Variants in EPHA7 observed in about 807,000 individuals in gnomAD.
EPHA7 encodes the protein ephrin type-A receptor 7.
Under a neutral mutation model 112.6 loss-of-function variants are expected in EPHA7, and 25 were observed. The observed-to-expected ratio is 0.22, with a 90% CI of 0.16 to 0.31. The LOEUF is 0.31. EPHA7 is among the 10% of genes least tolerant of loss of function. The pLI, the probability that EPHA7 is intolerant of heterozygous loss-of-function variation, is 1.00. For synonymous variants in EPHA7, 437 were observed against 406.5 expected, an observed-to-expected ratio of 1.07 and a Z score of -0.90; for missense variants, 962 against 1,212.6, an observed-to-expected ratio of 0.79 and a Z score of 3.07.
At chr6:93,373,310 C>G (rs1448543480) in intron 3 of EPHA7, among the ~76,000 whole-genome samples, 1 of 151,764 alleles carries the variant, frequency 6.6e-6, no homozygotes, top group Non-Finnish European at 1.5e-5. Context: ...AATTCTTGAC[C>G]TTTTCTTAAA....
At chr6:93,350,285 C>T (rs1048775074) in intron 5 of EPHA7, among the ~76,000 whole-genome samples, 9 of 151,944 alleles carry the variant, frequency 5.9e-5, no homozygotes, top group African/African-American at 1.7e-4. Context: ...TATCACTGAC[C>T]ATTAAACCAA....
intron 6 of EPHA7, among the ~76,000 whole-genome samples, chr6:93,272,071 A>C (rs1372054900): frequency 6.6e-6 from 1 of 151,934 alleles, no homozygotes; most frequent in African/African-American, 2.4e-5. Flanking sequence ...ATATGCTACA[A>C]ATGGGATACT....
intron 13 of EPHA7, among the ~76,000 whole-genome samples, 181 bp downstream of exon 13, chr6:93,255,647 T>C (rs369890139): frequency 9.2e-5 from 14 of 152,102 alleles, no homozygotes; most frequent in South Asian, 4.1e-4. Flanking sequence ...AGTCTATATA[T>C]ATATTGTACA....
Position 93,419,420 on chromosome 6 carries a change from T to G in EPHA7, c.-79A>C. 1 of 1,187,590 alleles carries G rather than the reference T, an allele frequency of 8.4e-7. No homozygotes were observed. The highest frequency in any genetic ancestry group is 1.2e-6 in the Non-Finnish European group (1 of 812,020). The allele number at this position is 1,187,590 out of a possible 1,614,324, so 73.6% of individuals were successfully genotyped here. The stretch of plus-strand genomic sequence containing the variant: ...TAAATGCTGTTTGTTCCGAAGTAGC[T>G]TTTGTTTTATTGTGCTCCTTGCATC... On this transcript the variant is annotated 5_prime_UTR_variant, in exon 1 of 17. Coordinates refer to ENST00000369303, the MANE Select transcript of EPHA7 (RefSeq NM_004440.4).
chr6:93,285,088 C>T (rs1199125443), intron 5 of EPHA7, among the ~76,000 whole-genome samples: 1 of 152,136 alleles, frequency 6.6e-6, no homozygotes, highest in African/African-American at 2.4e-5. Flanking sequence ...TTAAGAAATT[C>T]ATATTGCTTA....
At chr6:93,391,669 C>T (rs1777912529) in intron 3 of EPHA7, among the ~76,000 whole-genome samples, 1 of 151,142 alleles carries the variant, frequency 6.6e-6, no homozygotes, top group South Asian at 2.1e-4. Context: ...TATGAACTCT[C>T]TCTATTATAT....
chr6:93,303,833 C>T (rs1026047942), intron 5 of EPHA7, among the ~76,000 whole-genome samples: 1 of 152,064 alleles, frequency 6.6e-6, no homozygotes, highest in Non-Finnish European at 1.5e-5. Context: ...AGGAACTCCA[C>T]CTATCGTCTA....
At chr6:93,280,699 A>T (rs907114058) in intron 5 of EPHA7, among the ~76,000 whole-genome samples, 2 of 152,166 alleles carry the variant, frequency 1.3e-5, no homozygotes, top group Non-Finnish European at 2.9e-5. Flanking sequence ...CAGTTTTCTC[A>T]GCTTTAAAAT....
intron 3 of EPHA7, among the ~76,000 whole-genome samples, chr6:93,376,595 C>T (rs1451319989): frequency 4.6e-5 from 7 of 152,128 alleles, no homozygotes; most frequent in Admixed American, 2.0e-4. Context: ...TCTGGAAAAT[C>T]GTGTCCTTCC....
intron 3 of EPHA7, among the ~76,000 whole-genome samples, chr6:93,363,914 A>C (rs1425241959): frequency 6.6e-6 from 1 of 152,208 alleles, no homozygotes; most frequent in East Asian, 1.9e-4. Context: ...TGAATCTTTA[A>C]AACATGCTAC....
intron 3 of EPHA7, among the ~76,000 whole-genome samples, chr6:93,368,791 A>T (rs1001029466): frequency 6.6e-6 from 1 of 152,196 alleles, no homozygotes; most frequent in Non-Finnish European, 1.5e-5. Context: ...CAAAATTGTC[A>T]GTTAAAGCAA....
intron 5 of EPHA7, among the ~76,000 whole-genome samples, chr6:93,298,355 T>G (rs1411173812): frequency 6.6e-6 from 1 of 152,050 alleles, no homozygotes; most frequent in Admixed American, 6.6e-5. Context: ...GAAATAAATA[T>G]TTTCCTAACT....
intron 7 of EPHA7, 33 bp downstream of exon 7, chr6:93,269,444 G>A (rs764001986): frequency 2.5e-6 from 4 of 1,587,300 alleles, no homozygotes; most frequent in Non-Finnish European, 3.4e-6. Flanking sequence ...TAGAGTTATT[G>A]AGAGTAGGAA....
In EPHA7 at chr6:93,356,702, A is replaced by G; in HGVS notation, c.1324+15T>C. On this transcript the variant is annotated intron_variant, in intron 5 of 16. Coordinates refer to ENST00000369303, the MANE Select transcript of EPHA7 (RefSeq NM_004440.4). ...TCACATTATTTCATTCAGTGAAGAT[A>G]AACACAAAACATACCTGCTTGACCA... The G allele has an allele frequency of 1.9e-6, 3 of 1,589,648 alleles. No homozygotes were observed. In the South Asian group the frequency reaches 3.5e-5, roughly 18 times the overall value.
At chr6:93,370,991 A>C (rs1207206761) in intron 3 of EPHA7, among the ~76,000 whole-genome samples, 3 of 143,978 alleles carry the variant, frequency 2.1e-5, no homozygotes, top group East Asian at 4.0e-4. Context: ...GAAAAATACA[A>C]AAAAAAAAAA....
At chr6:93,307,870 C>T (rs972191485) in intron 5 of EPHA7, among the ~76,000 whole-genome samples, 1 of 152,258 alleles carries the variant, frequency 6.6e-6, no homozygotes, top group Admixed American at 6.5e-5. Context: ...AGAGTAACTT[C>T]TATGGTTACT....
At chr6:93,334,677 T>A (rs540873479) in intron 5 of EPHA7, among the ~76,000 whole-genome samples, 194 of 152,230 alleles carry the variant, frequency 1.3e-3, no homozygotes, top group African/African-American at 4.1e-3. Flanking sequence ...TGTTAGCATT[T>A]CTGCTACTGT....
chr6:93,318,110 G>A (rs1773897100), intron 5 of EPHA7, among the ~76,000 whole-genome samples: 1 of 152,078 alleles, frequency 6.6e-6, no homozygotes, highest in Non-Finnish European at 1.5e-5. Flanking sequence ...GTACTCCTAT[G>A]TGTTAACATA....
At chr6:93,348,175 T>C (rs1242711977) in intron 5 of EPHA7, among the ~76,000 whole-genome samples, 2 of 151,730 alleles carry the variant, frequency 1.3e-5, no homozygotes, top group African/African-American at 2.4e-5. Flanking sequence ...ATCAGGGAGT[T>C]GAGGTGGCAA....
Sources: gnomAD v4.1 joint callset for allele counts (sites outside exome capture counted in the v4.1 genomes callset) on GRCh38, gnomAD v4.1.1 for gene constraint, MANE v1.5 for transcripts, NCBI Gene and HGNC (gene_info 2026-07-23, HGNC 2026-07-21) for gene names.